Variants in CACHD1 observed in about 807,000 individuals in gnomAD.
CACHD1 encodes VWFA and cache domain-containing protein 1.
Under a neutral mutation model 138.7 loss-of-function variants are expected in CACHD1, and 71 were observed. The observed-to-expected ratio is 0.51, with a 90% CI of 0.42 to 0.62. CACHD1 has a LOEUF of 0.62. CACHD1 is among the 20% of genes least tolerant of loss of function. The pLI is 0.00. For synonymous variants in CACHD1, 578 were observed against 591.5 expected, an observed-to-expected ratio of 0.98 and a Z score of 0.33; for missense variants, 1,389 against 1,625.3, an observed-to-expected ratio of 0.85 and a Z score of 2.50.
intron 1 of CACHD1, among the ~76,000 whole-genome samples, chr1:64,517,884 A>C (rs150226138): frequency 1.4e-3 from 208 of 152,224 alleles, no homozygotes; most frequent in African/African-American, 4.8e-3. Flanking sequence ...ACTCTATGTC[A>C]TTGATTGAAC....
chr1:64,493,886 C>T (rs1189035051), intron 1 of CACHD1, among the ~76,000 whole-genome samples: 4 of 152,186 alleles, frequency 2.6e-5, no homozygotes, highest in Non-Finnish European at 5.9e-5. Context: ...TTAATAGACA[C>T]GGCTGCCTCT....
At chr1:64,609,110 C>T (rs1570413445) in intron 4 of CACHD1, among the ~76,000 whole-genome samples, 6 of 151,968 alleles carry the variant, frequency 3.9e-5, no homozygotes, top group Admixed American at 2.0e-4. Flanking sequence ...TAGAGGCTGT[C>T]GATTGTTGTG....
chr1:64,577,868 G>A (rs1436750), intron 2 of CACHD1, among the ~76,000 whole-genome samples: 9,232 of 152,132 alleles, frequency 0.061, 313 homozygotes, highest in Middle Eastern at 0.075. Context: ...GGTACTTTCT[G>A]TCTCTATTGA....
At chr1:64,636,475 C>T (rs1168995996) in intron 7 of CACHD1, among the ~76,000 whole-genome samples, 1 of 152,190 alleles carries the variant, frequency 6.6e-6, no homozygotes, top group African/African-American at 2.4e-5. Flanking sequence ...GTCAGAGTGT[C>T]AGTGGGACTA....
At chr1:64,544,696 T>G (rs1646705236) in intron 1 of CACHD1, among the ~76,000 whole-genome samples, 1 of 152,008 alleles carries the variant, frequency 6.6e-6, no homozygotes, top group African/African-American at 2.4e-5. Context: ...ATTATGTGAC[T>G]CTAATTTTTA....
Position 64,648,050 on chromosome 1 carries a change from C to T in CACHD1, c.1390+16C>T, listed in dbSNP as rs901684048. The stretch of plus-strand genomic sequence containing the variant: ...ATGGGAGATGGTGAGTTTGGATAAA[C>T]GTCATTTTAAAGGAAGGGGAAAAGA... On this transcript the variant is annotated intron_variant, in intron 9 of 26. Transcript: ENST00000651257. The T allele has an allele frequency of 2.1e-5, 33 of 1,582,340 alleles. No individual in the cohort carries two copies. Among genetic ancestry groups the T allele is most frequent in the African/African-American group, 5.4e-5 (4 of 74,252 alleles).
chr1:64,484,343 G>C (rs1646228978), intron 1 of CACHD1, among the ~76,000 whole-genome samples: 1 of 151,966 alleles, frequency 6.6e-6, no homozygotes, highest in African/African-American at 2.4e-5. Context: ...TCCAACAGAA[G>C]GAAGAGGCTT....
At chr1:64,650,791 A>G (rs1346931604) in intron 9 of CACHD1, among the ~76,000 whole-genome samples, 1 of 152,256 alleles carries the variant, frequency 6.6e-6, no homozygotes, top group African/African-American at 2.4e-5. Context: ...CAAGCGCAGG[A>G]AAAAACAAAA....
chr1:64,676,008 AT>A (rs775113856), intron 21 of CACHD1, 25 bp downstream of exon 21: 1 of 294,996 alleles, frequency 3.4e-6, no homozygotes, highest in Non-Finnish European at 4.4e-6. Context: ...AATAATAATA[AT>A]AATAATAATA....
At position 64,625,165 on chromosome 1, in the gene CACHD1, A is replaced by G. The variant is rs193005776; in HGVS notation, c.518-4190A>G. Among the ~76,000 whole-genome samples, 530 of 152,322 alleles carry G rather than the reference A, an allele frequency of 3.5e-3. 4 individuals are homozygous for G. The highest frequency in any genetic ancestry group is 6.0e-3 in the Non-Finnish European group (405 of 68,016). On this transcript the variant is annotated intron_variant, in intron 4 of 26. Coordinates refer to ENST00000651257, the MANE Select transcript of CACHD1 (RefSeq NM_020925.4). ...CTGGTCATTTAAAGCAGTGAGGGAT[A>G]GGGGATGAGTGGGAATTCTAAAGTG...
chr1:64,590,322 C>CAAAAA (rs67217249), intron 3 of CACHD1, among the ~76,000 whole-genome samples: 4 of 86,208 alleles, frequency 4.6e-5, no homozygotes, highest in Admixed American at 2.5e-4. Context: ...GACTCTGTCT[C>CAAAAA]AAAAAAAAAA....
In CACHD1 at chr1:64,470,799, C is replaced by A. The variant is rs765893511; in HGVS notation, c.55C>A (p.Pro19Thr). The change falls in exon 1 of 27, where the codon CCC becomes ACC. Residue 19 changes from proline to threonine, a missense_variant. Physicochemically the swap from Pro to Thr is conservative, Grantham distance 38 (BLOSUM62 -1). This residue lies in a region of CACHD1 where 1,000 missense variants were observed against 1,114.7 expected (regional missense o/e 0.90). Transcript: ENST00000651257. The surrounding 1 kb of genome is among the most constrained non-coding windows in gnomAD (Gnocchi z 5.2). ...ETAVARARRP[P>T]LWLLCLVACW... is the part of the protein sequence containing the mutation. ...GGCCGTGGCCCGGGCGCGGCGGCCG[C>A]CCCTCTGGCTGCTCTGCCTGGTCGC... 1 of 1,278,996 alleles carries A rather than the reference C, an allele frequency of 7.8e-7. No homozygotes were observed. Among genetic ancestry groups the A allele is most frequent in the Non-Finnish European group, 1.1e-6 (1 of 920,774 alleles). The allele number at this position is 1,278,996 out of a possible 1,614,324, so 79.2% of individuals were successfully genotyped here. A position where few individuals can be genotyped will look rare whatever the true frequency, so the allele number is the denominator to read the frequency against.
At chr1:64,584,589 G>C (rs1012735324) in intron 3 of CACHD1, among the ~76,000 whole-genome samples, 6 of 151,914 alleles carry the variant, frequency 3.9e-5, no homozygotes, top group Non-Finnish European at 8.8e-5. Flanking sequence ...AGAATTTATT[G>C]CTCTCTCATC....
intron 3 of CACHD1, among the ~76,000 whole-genome samples, chr1:64,601,975 C>G (rs1390207273): frequency 6.6e-6 from 1 of 152,202 alleles, no homozygotes; most frequent in Non-Finnish European, 1.5e-5. Context: ...TAAAAATACT[C>G]TTTATGACTA....
At chr1:64,643,317 T>G (rs1272322165) in intron 8 of CACHD1, among the ~76,000 whole-genome samples, 2 of 152,182 alleles carry the variant, frequency 1.3e-5, no homozygotes, top group African/African-American at 4.8e-5. Flanking sequence ...TTCCAAATGA[T>G]TTCTAGACCA....
chr1:64,640,965 G>A (rs1204571823), intron 7 of CACHD1, among the ~76,000 whole-genome samples: 1 of 151,834 alleles, frequency 6.6e-6, no homozygotes, highest in East Asian at 1.9e-4. Context: ...CTACCTCGCA[G>A]CCCTATTTGG....
chr1:64,558,868 C>T (rs1011898037), intron 2 of CACHD1, among the ~76,000 whole-genome samples: 7 of 152,160 alleles, frequency 4.6e-5, no homozygotes, highest in Admixed American at 4.6e-4. Flanking sequence ...AGAAGACATA[C>T]ATCTTCCCAA....
chr1:64,471,214 T>C (rs1047811445), intron 1 of CACHD1, among the ~76,000 whole-genome samples: 1 of 152,146 alleles, frequency 6.6e-6, no homozygotes, highest in African/African-American at 2.4e-5. Context: ...CTCTTCTGAG[T>C]ACCAGCGCCT....
At chr1:64,597,532 T>TG (rs1647164987) in intron 3 of CACHD1, among the ~76,000 whole-genome samples, 1 of 147,382 alleles carries the variant, frequency 6.8e-6, no homozygotes, top group African/African-American at 2.5e-5. Context: ...TTGTTTTTTT[T>TG]TTTTTTTTTT....
Sources: allele counts gnomAD v4.1 joint callset (sites outside exome capture counted in the v4.1 genomes callset), GRCh38; gene constraint gnomAD v4.1.1; regional missense constraint gnomAD v4.1.1; non-coding constraint Gnocchi (gnomAD v3.1); transcripts MANE v1.5; gene names NCBI Gene and HGNC (gene_info 2026-07-23, HGNC 2026-07-21).